The following NETO1 variants were observed in gnomAD, a reference collection of about 807,000 sequenced individuals.
The protein encoded by NETO1 is neuropilin and tolloid-like protein 1.
Under a neutral mutation model 61.3 loss-of-function variants are expected in NETO1, and 26 were observed. The observed-to-expected ratio is 0.42, with a 90% CI of 0.31 to 0.59. The LOEUF is 0.59. NETO1 is among the 20% of genes least tolerant of loss of function. The pLI is 0.12. For missense variants in NETO1, 531 were observed against 662.8 expected, an observed-to-expected ratio of 0.80 and a Z score of 2.18; for synonymous variants, 225 against 225.8, an observed-to-expected ratio of 1.00 and a Z score of 0.03.
intron 4 of NETO1, among the ~76,000 whole-genome samples, chr18:72,833,134 T>C (rs1220320211): frequency 1.3e-5 from 2 of 152,194 alleles, no homozygotes; most frequent in Non-Finnish European, 2.9e-5. Flanking sequence ...TTAAATTCTC[T>C]GTAATCATCG....
intron 3 of NETO1, 68 bp downstream of exon 3, chr18:72,864,740 A>G (rs2074681964): frequency 1.2e-6 from 2 of 1,601,816 alleles, no homozygotes; most frequent in Admixed American, 1.7e-5. Context: ...CATATTCTTC[A>G]TCCAAAGCAC....
At chr18:72,752,282 C>G (rs2070644760) in intron 8 of NETO1, among the ~76,000 whole-genome samples, 1 of 152,154 alleles carries the variant, frequency 6.6e-6, no homozygotes, top group Admixed American at 6.5e-5. Context: ...ATCTTGGGCA[C>G]TGTCAAAAGC....
intron 7 of NETO1, among the ~76,000 whole-genome samples, chr18:72,765,888 T>A (rs2071137356): frequency 2.0e-5 from 3 of 152,154 alleles, no homozygotes; most frequent in Admixed American, 2.0e-4. Context: ...TGCAAATTTT[T>A]AAAAACTTCA....
chr18:72,801,209 A>T (rs1300601025), intron 4 of NETO1, among the ~76,000 whole-genome samples: 2 of 152,168 alleles, frequency 1.3e-5, no homozygotes, highest in Non-Finnish European at 2.9e-5. Context: ...CATTTTATAA[A>T]TGAGTACGTG....
At chr18:72,799,939 A>C (rs936825764) in intron 4 of NETO1, among the ~76,000 whole-genome samples, 2 of 152,270 alleles carry the variant, frequency 1.3e-5, no homozygotes, top group Non-Finnish European at 2.9e-5. Context: ...ACTTCAGGGG[A>C]GAACAAAAAC....
chr18:72,775,412 A>C (rs2071513126), intron 7 of NETO1, among the ~76,000 whole-genome samples: 1 of 152,214 alleles, frequency 6.6e-6, no homozygotes, highest in East Asian at 1.9e-4. Context: ...AAATGTAAAA[A>C]TATGATGGCT....
chr18:72,777,452 A>C (rs1357405631), intron 7 of NETO1, among the ~76,000 whole-genome samples: 2 of 148,940 alleles, frequency 1.3e-5, no homozygotes, highest in African/African-American at 5.0e-5. Context: ...CAAAAAAAAA[A>C]CAAAAAAGGC....
chr18:72,751,174 C>T (rs1309580957), intron 8 of NETO1, among the ~76,000 whole-genome samples: 5 of 151,906 alleles, frequency 3.3e-5, no homozygotes, highest in Non-Finnish European at 1.5e-5. Context: ...GGACTCTTTC[C>T]CAAATGAAAT....
At chr18:72,756,366 A>G (rs776910040) in intron 7 of NETO1, among the ~76,000 whole-genome samples, 1 of 152,172 alleles carries the variant, frequency 6.6e-6, no homozygotes, top group Non-Finnish European at 1.5e-5. Flanking sequence ...AGCTTGTAAA[A>G]ATGCCATAGG....
intron 4 of NETO1, among the ~76,000 whole-genome samples, chr18:72,826,525 C>T (rs1034877175): frequency 7.4e-6 from 1 of 134,830 alleles, no homozygotes; most frequent in Admixed American, 7.3e-5. Context: ...TTTTCTTATA[C>T]CACTTTTTTT....
intron 4 of NETO1, among the ~76,000 whole-genome samples, chr18:72,841,733 CAACAAAAAAAAAAAAAA>C (rs1383712526): frequency 5.6e-5 from 4 of 70,992 alleles, no homozygotes; most frequent in African/African-American, 5.3e-5. Context: ...GACTCTACCT[CAACAAAAAAAAAAAAAA>C]AAAAAAAGTC....
In NETO1 at chr18:72,799,380, C is replaced by T. The variant is rs150636305; in HGVS notation, c.470-4976G>A. ...TTTCAAGATGATGTGCATGAGGATA[C>T]GTTATGTGCACTTTTATTGCCAACC... is the stretch of plus-strand genomic sequence containing the variant. On this transcript the variant is annotated intron_variant, in intron 4 of 10. Coordinates refer to ENST00000327305, the MANE Select transcript of NETO1 (RefSeq NM_138966.5). 4.6e-4 allele frequency among the ~76,000 whole-genome samples: 70 copies of T among 152,266 alleles called. 3 individuals carry two copies. In the East Asian group the frequency reaches 9.8e-3, roughly 21 times the overall value.
chr18:72,804,770 T>C (rs556771981), intron 4 of NETO1, among the ~76,000 whole-genome samples: 2 of 152,328 alleles, frequency 1.3e-5, no homozygotes, highest in Non-Finnish European at 2.9e-5. Flanking sequence ...TCAGCTTTAA[T>C]ACTGTGATAT....
intron 4 of NETO1, among the ~76,000 whole-genome samples, chr18:72,825,022 A>T (rs1290375107): frequency 5.9e-5 from 9 of 152,254 alleles, no homozygotes; most frequent in African/African-American, 1.9e-4. Context: ...ATCTACAGCC[A>T]TGGACTCATA....
At chr18:72,853,618 C>A (rs998105222) in intron 4 of NETO1, among the ~76,000 whole-genome samples, 1 of 151,842 alleles carries the variant, frequency 6.6e-6, no homozygotes, top group Non-Finnish European at 1.5e-5. Context: ...ATCAGCCATG[C>A]GTGGAGTTGC....
At chr18:72,818,751 G>T (rs1292357234) in intron 4 of NETO1, among the ~76,000 whole-genome samples, 1 of 152,018 alleles carries the variant, frequency 6.6e-6, no homozygotes, top group African/African-American at 2.4e-5. Context: ...AAAATATCAT[G>T]CTCATTATAA....
At chr18:72,856,658 G>C (rs929553899) in intron 4 of NETO1, among the ~76,000 whole-genome samples, 3 of 152,178 alleles carry the variant, frequency 2.0e-5, no homozygotes, top group African/African-American at 7.2e-5. Context: ...AGAAAAGCCA[G>C]AACTGGAAGT....
At position 72,867,362 on chromosome 18, in the gene NETO1, G is replaced by T. The variant is rs1472370781; in HGVS notation, c.-71C>A. On this transcript the variant is annotated 5_prime_UTR_variant, in exon 1 of 11. Transcript: ENST00000327305. ...AGAGACGGGAAGACTTCCAGTGGCG[G>T]GGGGAGGACAGGGTCGAGAGGTGTT... 1.5e-6 allele frequency: 2 copies of T among 1,359,358 alleles called. No homozygotes were observed. The highest frequency in any genetic ancestry group is 2.0e-6 in the Non-Finnish European group (2 of 993,162). 84.2% of individuals were successfully genotyped at this position (1,359,358 alleles called of 1,614,324 possible).
intron 4 of NETO1, among the ~76,000 whole-genome samples, chr18:72,809,208 G>A (rs1325870852): frequency 6.6e-6 from 1 of 151,530 alleles, no homozygotes; most frequent in African/African-American, 2.4e-5. Context: ...AAATTAAAAA[G>A]GCAAAAAAAT....
Sources: allele counts gnomAD v4.1 joint callset (sites outside exome capture counted in the v4.1 genomes callset), GRCh38; gene constraint gnomAD v4.1.1; transcripts MANE v1.5; gene names NCBI Gene and HGNC (gene_info 2026-07-23, HGNC 2026-07-21).